Variants in ENAH observed in about 807,000 individuals in gnomAD.
The protein encoded by ENAH is ENAH actin regulator.
In ENAH, 23 loss-of-function variants were observed where a neutral mutation model predicts 78.7. That is an observed-to-expected ratio of 0.29 (90% CI 0.21 to 0.41). The LOEUF (loss-of-function observed/expected upper bound fraction) is 0.41. Among genes scored for constraint, ENAH ranks in the 10% least tolerant of loss-of-function variants. The pLI is 1.00. For synonymous variants in ENAH, 226 were observed against 241.0 expected (o/e 0.94, Z 0.58); for missense variants, 544 against 691.0 (o/e 0.79, Z 2.39).
intron 1 of ENAH, 88 bp from the exon 2 acceptor site, chr1:225,567,502 C>A (rs1028670249): frequency 5.3e-6 from 7 of 1,313,172 alleles, no homozygotes; most frequent in African/African-American, 1.5e-5. Context: ...AGGAGTCAGT[C>A]AACGATCAGT....
chr1:225,594,482 T>C (rs183213505), intron 1 of ENAH, among the ~76,000 whole-genome samples: 16 of 152,292 alleles, frequency 1.1e-4, no homozygotes, highest in African/African-American at 2.9e-4. Flanking sequence ...TCAGACTGCC[T>C]TCTTCCAAAA....
At chr1:225,567,099 T>C (rs962270448) in intron 2 of ENAH, 150 bp downstream of exon 2, 1 of 754,668 alleles carries the variant, frequency 1.3e-6, no homozygotes, top group Non-Finnish European at 2.0e-6. Flanking sequence ...TCATAAAAGG[T>C]AGAAAGGGTG....
chr1:225,606,430 G>C (rs2096955852), intron 1 of ENAH, among the ~76,000 whole-genome samples: 1 of 147,960 alleles, frequency 6.8e-6, no homozygotes, highest in Non-Finnish European at 1.5e-5. Flanking sequence ...CTGCACTCCA[G>C]CCTGGGCAAC....
chr1:225,561,771 A>G (rs1435116313), intron 2 of ENAH, among the ~76,000 whole-genome samples: 1 of 152,148 alleles, frequency 6.6e-6, no homozygotes, highest in Non-Finnish European at 1.5e-5. Flanking sequence ...GCTTGAGTCT[A>G]GACTGGTGGT....
chr1:225,618,687 CAACTT>C (rs1360244192), intron 1 of ENAH, among the ~76,000 whole-genome samples: 1 of 152,178 alleles, frequency 6.6e-6, no homozygotes, highest in African/African-American at 2.4e-5. Context: ...TACAAAAACT[CAACTT>C]AGAAAGTTTC....
intron 5 of ENAH, 66 bp downstream of exon 5, chr1:225,519,132 T>C (rs1382559620): frequency 1.3e-6 from 2 of 1,560,468 alleles, no homozygotes; most frequent in African/African-American, 1.4e-5. Flanking sequence ...TTTTAACACA[T>C]GACTGCACAA....
rs367712884 is a variant in ENAH at position 225,530,511 on chromosome 1, T to C, written c.434+43A>G. The C allele has an allele frequency of 6.0e-6, 9 of 1,496,134 alleles. No individual in the cohort carries two copies. In the African/African-American group the frequency reaches 1.2e-4, roughly 21 times the overall value. 92.7% of individuals were successfully genotyped at this position (1,496,134 alleles called of 1,614,324 possible). A position where few individuals can be genotyped will look rare whatever the true frequency, so the allele number is the denominator to read the frequency against. On this transcript the variant is annotated intron_variant, in intron 4 of 13. Transcript: ENST00000366843. ...ACACAGGATGTTCAGTTTTGTCTTC[T>C]GAAGCATAAAGAAAAAGTACAAACA...
intron 10 of ENAH, among the ~76,000 whole-genome samples, chr1:225,510,484 G>C (rs931077850): frequency 1.3e-5 from 2 of 152,028 alleles, no homozygotes; most frequent in African/African-American, 4.8e-5. Flanking sequence ...CTTACAGAAA[G>C]AAGGATAAAG....
At chr1:225,622,383 T>C (rs1272627034) in intron 1 of ENAH, among the ~76,000 whole-genome samples, 1 of 152,050 alleles carries the variant, frequency 6.6e-6, no homozygotes, top group Non-Finnish European at 1.5e-5. Context: ...AGCGCAGGAG[T>C]TAGAGACCAG....
At position 225,514,071 on chromosome 1, in the gene ENAH, G is replaced by A. The variant is rs373226632; in HGVS notation, c.1218+525C>T. Among the ~76,000 whole-genome samples the A allele has an allele frequency of 2.0e-5, 3 of 152,258 alleles. No homozygotes were observed. In the South Asian group the frequency reaches 6.2e-4, roughly 32 times the overall value. ...ATAAAAAAGCAAATACTGGTAAAAT[G>A]TTAATGGGTGAATGTAGGTGATGAA... On this transcript the variant is annotated intron_variant, in intron 7 of 13. Coordinates refer to ENST00000366843, the MANE Select transcript of ENAH (RefSeq NM_018212.6).
chr1:225,597,476 A>G (rs1009088079), intron 1 of ENAH, among the ~76,000 whole-genome samples: 1 of 151,920 alleles, frequency 6.6e-6, no homozygotes, highest in Non-Finnish European at 1.5e-5. Flanking sequence ...CTTGAGTAAC[A>G]TAGAAAGACT....
At chr1:225,589,008 T>G (rs1023943002) in intron 1 of ENAH, among the ~76,000 whole-genome samples, 2 of 152,010 alleles carry the variant, frequency 1.3e-5, no homozygotes, top group Admixed American at 1.3e-4. Context: ...ACAACTGATA[T>G]ACATGACATG....
chr1:225,635,703 G>A (rs1432021699), intron 1 of ENAH, among the ~76,000 whole-genome samples: 1 of 152,158 alleles, frequency 6.6e-6, no homozygotes, highest in African/African-American at 2.4e-5. Context: ...TTAAGATGAG[G>A]TCACACCAGA....
At chr1:225,592,663 T>C (rs1252799914) in intron 1 of ENAH, among the ~76,000 whole-genome samples, 2 of 152,206 alleles carry the variant, frequency 1.3e-5, no homozygotes, top group African/African-American at 2.4e-5. Context: ...AAATAAAACA[T>C]AAATGAATAT....
At chr1:225,641,669 G>C (rs1661088930) in intron 1 of ENAH, among the ~76,000 whole-genome samples, 1 of 150,824 alleles carries the variant, frequency 6.6e-6, no homozygotes. Context: ...GGCAGATCAC[G>C]TGAGGTCCGG....
At chr1:225,509,501 C>CTCGG (rs2096360089) in intron 10 of ENAH, among the ~76,000 whole-genome samples, 3 of 152,164 alleles carry the variant, frequency 2.0e-5, no homozygotes, top group Admixed American at 2.0e-4. Context: ...CTCTAAGGAG[C>CTCGG]TCGGGTGTGT....
chr1:225,553,862 A>C (rs1243723745), intron 3 of ENAH, among the ~76,000 whole-genome samples: 1 of 152,240 alleles, frequency 6.6e-6, no homozygotes, highest in Non-Finnish European at 1.5e-5. Flanking sequence ...CCTCAAAAGA[A>C]GATCTGATAC....
At chr1:225,514,548 T>C in intron 7 of ENAH, 48 bp downstream of exon 7, 3 of 1,259,140 alleles carry the variant, frequency 2.4e-6, no homozygotes, top group Non-Finnish European at 2.3e-6. Flanking sequence ...TTTTAGATAT[T>C]TAGGAAGAAT....
intron 4 of ENAH, chr1:225,524,623 C>T: frequency 1.0e-6 from 1 of 985,418 alleles, no homozygotes; most frequent in African/African-American, 1.7e-5. Context: ...AACTTTTGGT[C>T]CATCCGGCCT....
Sources: allele counts gnomAD v4.1 joint callset (sites outside exome capture counted in the v4.1 genomes callset), GRCh38; gene constraint gnomAD v4.1.1; transcripts MANE v1.5; gene names NCBI Gene and HGNC (gene_info 2026-07-23, HGNC 2026-07-21).